The following DOT1L variants were observed in gnomAD, a reference collection of about 807,000 sequenced individuals.
DOT1L encodes histone-lysine N-methyltransferase, H3 lysine-79 specific.
DOT1L carries 33 observed loss-of-function variants against 153.3 expected under a neutral mutation model. That is an observed-to-expected ratio of 0.22 (90% CI 0.16 to 0.29). The LOEUF (loss-of-function observed/expected upper bound fraction) is 0.29, where lower values mean the gene tolerates loss of function less well. Among genes scored for constraint, DOT1L ranks in the 10% least tolerant of loss-of-function variants. The pLI is 1.00. For synonymous variants in DOT1L, 1,135 were observed against 965.1 expected, an observed-to-expected ratio of 1.18 and a Z score of -3.26; for missense variants, 1,847 against 2,119.9, an observed-to-expected ratio of 0.87 and a Z score of 2.53.
chr19:2,222,806 C>G lies in DOT1L; in HGVS notation c.3390+247C>G. 2.0e-6 allele frequency: 1 copy of G among 501,778 alleles called. No homozygotes were observed. Among genetic ancestry groups the G allele is most frequent in the Non-Finnish European group, 3.5e-6 (1 of 286,340 alleles). The allele number at this position is 501,778 out of a possible 1,614,324, so 31.1% of individuals were successfully genotyped here. On this transcript the variant is annotated intron_variant, in intron 24 of 27. Coordinates refer to ENST00000398665, the MANE Select transcript of DOT1L (RefSeq NM_032482.3). This position sits in a 1 kb window ranked among gnomAD's most constrained non-coding sequence, Gnocchi z 6.5. ...GGCTGAGGCAGGAGAATGATGTGAA[C>G]CCGGGAGGCGGGGCTTGCAGTGAAC...
At chr19:2,180,882 C>A (rs912687356) in intron 2 of DOT1L, 126 bp downstream of exon 2, 4 of 1,161,912 alleles carry the variant, frequency 3.4e-6, no homozygotes, top group African/African-American at 1.5e-5. Flanking sequence ...TGTTGTGAAG[C>A]GGATCAGGGG....
chr19:2,198,783 TTCACAGAAACAGGA>T (rs2023127609), intron 7 of DOT1L, among the ~76,000 whole-genome samples: 1 of 152,194 alleles, frequency 6.6e-6, no homozygotes, highest in African/African-American at 2.4e-5. Context: ...TCCCGGACAT[TTCACAGAAACAGGA>T]TCACACACTG....
chr19:2,223,944 C>G (rs1465477619), intron 25 of DOT1L, among the ~76,000 whole-genome samples: 2 of 152,172 alleles, frequency 1.3e-5, no homozygotes, highest in Non-Finnish European at 2.9e-5. Context: ...CTGAGAAAAT[C>G]TCATCATCCC....
Position 2,184,862 on chromosome 19 carries a change from T to C in DOT1L, c.126-993T>C, listed in dbSNP as rs73514462. Among the ~76,000 whole-genome samples, 1,011 of 152,314 alleles carry C rather than the reference T, an allele frequency of 6.6e-3. 9 individuals are homozygous for C. Among genetic ancestry groups the C allele is most frequent in the African/African-American group, 0.023 (944 of 41,576 alleles). On this transcript the variant is annotated intron_variant, in intron 2 of 27. Transcript: ENST00000398665. ...GCTGTGTGTGGTTGTGAGGTGCCGC[T>C]GCGGTTTCCTCACGTTTTTAAGGGA...
At position 2,223,410 on chromosome 19, in the gene DOT1L, C is replaced by A. The variant is rs370674376; in HGVS notation, c.3520C>A (p.Gln1174Lys). The A allele has an allele frequency of 1.4e-5, 22 of 1,613,758 alleles. No individual in the cohort carries two copies. In the African/African-American group the frequency reaches 2.7e-4, roughly 20 times the overall value. ...GCTCAAGAAGGAGCGGCCTCTGAGCCAGACCAATGGGGCACACTACTCCCC... is the reference window on the plus strand; with the variant it reads ...GCTCAAGAAGGAGCGGCCTCTGAGCAAGACCAATGGGGCACACTACTCCCC... ...PVLKKERPLSQTNGAHYSPLT... is the reference protein window; with the variant it reads ...PVLKKERPLSKTNGAHYSPLT... Residue 1174 changes from glutamine (Q) to lysine (K), a missense_variant, in exon 25 of 28, where the codon CAG becomes AAG. This residue lies in a region of DOT1L where 934 missense variants were observed against 825.3 expected (regional missense o/e 1.13). Transcript: ENST00000398665.
intron 1 of DOT1L, among the ~76,000 whole-genome samples, chr19:2,176,970 G>A (rs1034207485): frequency 6.6e-6 from 1 of 152,184 alleles, no homozygotes; most frequent in Non-Finnish European, 1.5e-5. Context: ...ATATGAGGGA[G>A]CAGGCCCAGC....
rs935937674 is a variant in DOT1L, at chr19:2,226,991, C to G, written c.4470C>G (p.Gly1490=). 6.3e-7 allele frequency: 1 copy of G among 1,591,672 alleles called. No individual in the cohort carries two copies. The highest frequency in any genetic ancestry group is 8.5e-7 in the Non-Finnish European group (1 of 1,176,732). Residue 1490 remains glycine, a synonymous_variant, in exon 27 of 28, where the codon GGC becomes GGG. Coordinates refer to ENST00000398665, the MANE Select transcript of DOT1L (RefSeq NM_032482.3). ...SLQANLGSVA[G]SSVLQSLFSS... is the part of the protein sequence containing the mutation. Reference sequence around the variant, plus strand: ...AGGCCAACCTCGGCTCCGTGGCCGGCTCCTCCGTGCTGCAGTCGCTGTTCA... The same window carrying G: ...AGGCCAACCTCGGCTCCGTGGCCGGGTCCTCCGTGCTGCAGTCGCTGTTCA...
At position 2,193,580 on chromosome 19, in the gene DOT1L, T is replaced by C. The variant is rs1180196286; in HGVS notation, c.494-109T>C. On this transcript the variant is annotated intron_variant, in intron 5 of 27. Transcript: ENST00000398665. The surrounding 1 kb of genome is among the most constrained non-coding windows in gnomAD (Gnocchi z 5.9). Reference sequence around the variant, plus strand: ...TATGTGTGGAGACTGTGGCCTCCCCTGTGGGTCTTCATGGCCGCATTCTTG... The same window carrying C: ...TATGTGTGGAGACTGTGGCCTCCCCCGTGGGTCTTCATGGCCGCATTCTTG... 1.7e-5 allele frequency: 17 copies of C among 995,346 alleles called. No homozygotes were observed. The highest frequency in any genetic ancestry group is 1.3e-4 in the Admixed American group (6 of 47,586). 61.7% of individuals were successfully genotyped at this position (995,346 alleles called of 1,614,324 possible).
intron 4 of DOT1L, 61 bp downstream of exon 4, chr19:2,189,856 A>G (rs1599559259): frequency 1.3e-6 from 2 of 1,571,532 alleles, no homozygotes; most frequent in East Asian, 2.2e-5. Flanking sequence ...ACCCCTCCAG[A>G]CCCCTTATGT....
At chr19:2,223,975 TCTC>T (rs1435515459) in intron 25 of DOT1L, among the ~76,000 whole-genome samples, 4 of 152,132 alleles carry the variant, frequency 2.6e-5, no homozygotes, top group African/African-American at 9.6e-5. Flanking sequence ...TCACTCCCCT[TCTC>T]CTCCCAAGAG....
intron 9 of DOT1L, among the ~76,000 whole-genome samples, 155 bp downstream of exon 9, chr19:2,202,934 T>A (rs1055949723): frequency 2.0e-5 from 3 of 152,176 alleles, no homozygotes; most frequent in Non-Finnish European, 4.4e-5. Context: ...TTTTTTTCTT[T>A]TTTTATTGAG....
In DOT1L at chr19:2,217,717, T is replaced by C; in HGVS notation, c.2545-55T>C. The C allele has an allele frequency of 6.4e-7, 1 of 1,557,956 alleles. No individual in the cohort carries two copies. The highest frequency in any genetic ancestry group is 8.7e-7 in the Non-Finnish European group (1 of 1,151,378). On this transcript the variant is annotated intron_variant, in intron 21 of 27. Coordinates refer to ENST00000398665, the MANE Select transcript of DOT1L (RefSeq NM_032482.3). This position sits in a 1 kb window ranked among gnomAD's most constrained non-coding sequence, Gnocchi z 7.3. ...GCCCCCGTCCTGTGGCTGTGGTCCCTGTGTCCTGGAGGGGTTTGTTGACCC... is the reference window on the plus strand; with the variant it reads ...GCCCCCGTCCTGTGGCTGTGGTCCCCGTGTCCTGGAGGGGTTTGTTGACCC...
chr19:2,170,697 C>T (rs2021569315), intron 1 of DOT1L, among the ~76,000 whole-genome samples: 3 of 152,204 alleles, frequency 2.0e-5, no homozygotes, highest in African/African-American at 2.4e-5. Flanking sequence ...AGGTTCCCGT[C>T]ACCCTTACCT....
chr19:2,223,535 A>C, intron 25 of DOT1L, 49 bp downstream of exon 25: 1 of 548,086 alleles, frequency 1.8e-6, no homozygotes, highest in Non-Finnish European at 2.6e-6. Flanking sequence ...CAGGGGCAGG[A>C]GGTGCCTGCT....
rs2023433548 is a variant in DOT1L, at chr19:2,204,887, C to T, written c.788-1842C>T. Among the ~76,000 whole-genome samples the T allele has an allele frequency of 6.6e-6, 1 of 152,182 alleles. No homozygotes were observed. The highest frequency in any genetic ancestry group is 1.5e-5 in the Non-Finnish European group (1 of 68,032). ...CCTGAGGGGAGTGGTGTGTAGAATGCCAGGCCTGGGCTGGTGTGGCGTCCA... is the reference window on the plus strand; with the variant it reads ...CCTGAGGGGAGTGGTGTGTAGAATGTCAGGCCTGGGCTGGTGTGGCGTCCA... On this transcript the variant is annotated intron_variant, in intron 9 of 27. Coordinates refer to ENST00000398665, the MANE Select transcript of DOT1L (RefSeq NM_032482.3). This position sits in a 1 kb window ranked among gnomAD's most constrained non-coding sequence, Gnocchi z 5.7.
chr19:2,201,273 C>T (rs550130327), intron 8 of DOT1L, among the ~76,000 whole-genome samples: 2 of 151,706 alleles, frequency 1.3e-5, no homozygotes, highest in South Asian at 2.1e-4. Context: ...CCGCATTCCT[C>T]GTCCTCCCCA....
At chr19:2,180,667 G>A (rs762975439) in intron 1 of DOT1L, 46 bp from the exon 2 acceptor site, 8 of 1,610,996 alleles carry the variant, frequency 5.0e-6, no homozygotes, top group East Asian at 2.2e-5. Context: ...ATGGGCTCAC[G>A]GGGTGGAGGA....
intron 7 of DOT1L, among the ~76,000 whole-genome samples, chr19:2,199,031 C>CG (rs1047806396): frequency 3.3e-5 from 5 of 152,148 alleles, no homozygotes; most frequent in African/African-American, 7.2e-5. Flanking sequence ...CATTTGTGTC[C>CG]GGGCTTTTGT....
chr19:2,229,348 CAG>C, intron 27 of DOT1L: 1 of 985,466 alleles, frequency 1.0e-6, no homozygotes, highest in Non-Finnish European at 1.2e-6. Flanking sequence ...CCCTGGGACA[CAG>C]GCCTTCCTGG....
Sources: gnomAD v4.1 joint callset for allele counts (sites outside exome capture counted in the v4.1 genomes callset) on GRCh38, gnomAD v4.1.1 for gene constraint, gnomAD v4.1.1 regional missense constraint, Gnocchi (gnomAD v3.1) non-coding constraint, MANE v1.5 for transcripts, NCBI Gene and HGNC (gene_info 2026-07-23, HGNC 2026-07-21) for gene names.